The following RTN1 variants were observed in gnomAD, a reference collection of about 807,000 sequenced individuals.
RTN1 encodes the protein reticulon-1.
In RTN1, 25 loss-of-function variants were observed where a neutral mutation model predicts 65.5. The ratio of observed to expected loss-of-function variants is 0.38; its 90% confidence interval spans 0.28 to 0.53. The LOEUF is 0.53. Ranked by LOEUF, RTN1 falls within the 20% of genes least tolerant of loss-of-function variation. The probability of loss-of-function intolerance (pLI) is 0.79; values close to 1 mark genes in which losing one functional copy is unlikely to be tolerated. For synonymous variants in RTN1, 471 were observed against 447.6 expected, an observed-to-expected ratio of 1.05 and a Z score of -0.66; for missense variants, 983 against 1,025.4, an observed-to-expected ratio of 0.96 and a Z score of 0.57.
At chr14:59,750,234 ATATAT>A (rs1212087705) in intron 1 of RTN1, among the ~76,000 whole-genome samples, 1 of 67,832 alleles carries the variant, frequency 1.5e-5, no homozygotes, top group Non-Finnish European at 2.5e-5. Context: ...TCTATAATAT[ATATAT>A]TATATCTATA....
chr14:59,842,606 C>T (rs1481747524), intron 1 of RTN1, among the ~76,000 whole-genome samples: 1 of 152,084 alleles, frequency 6.6e-6, no homozygotes, highest in African/African-American at 2.4e-5. Context: ...ATGAAAACCA[C>T]TATCTATTAA....
chr14:59,761,274 C>T (rs1176315344), intron 1 of RTN1, among the ~76,000 whole-genome samples: 1 of 152,086 alleles, frequency 6.6e-6, no homozygotes, highest in Non-Finnish European at 1.5e-5. Context: ...TGTAACAATC[C>T]CCACGTGTCA....
intron 3 of RTN1, among the ~76,000 whole-genome samples, chr14:59,666,751 T>C (rs944259755): frequency 1.3e-4 from 20 of 151,696 alleles, no homozygotes; most frequent in Non-Finnish European, 1.5e-5. Flanking sequence ...TAAAAAATGA[T>C]AAAGGGGATA....
chr14:59,669,387 TAG>T (rs1883451815), intron 3 of RTN1, among the ~76,000 whole-genome samples: 1 of 151,622 alleles, frequency 6.6e-6, no homozygotes, highest in Non-Finnish European at 1.5e-5. Flanking sequence ...TTCTCACTCA[TAG>T]ATGGGAATTG....
At chr14:59,854,768 A>C (rs1594768587) in intron 1 of RTN1, among the ~76,000 whole-genome samples, 2 of 152,242 alleles carry the variant, frequency 1.3e-5, no homozygotes, top group East Asian at 1.9e-4. Flanking sequence ...TGGATGCTTC[A>C]CTTACTAGCT....
chr14:59,861,754 G>A (rs186850612), intron 1 of RTN1, among the ~76,000 whole-genome samples: 60 of 152,202 alleles, frequency 3.9e-4, no homozygotes, highest in African/African-American at 1.4e-3. Flanking sequence ...TTCTTCCTTT[G>A]CTTCATGAAA....
At chr14:59,730,825 G>T (rs1884881465) in intron 2 of RTN1, among the ~76,000 whole-genome samples, 1 of 152,132 alleles carries the variant, frequency 6.6e-6, no homozygotes, top group African/African-American at 2.4e-5. Context: ...ATACTAGGAT[G>T]GCTATAATCA....
intron 3 of RTN1, among the ~76,000 whole-genome samples, chr14:59,634,670 C>T (rs899450144): frequency 1.3e-5 from 2 of 152,080 alleles, no homozygotes; most frequent in African/African-American, 4.8e-5. Context: ...AACTCGAGTC[C>T]AGAGGGGGAA....
At chr14:59,743,397 A>G (rs1274945693) in intron 2 of RTN1, among the ~76,000 whole-genome samples, 1 of 152,282 alleles carries the variant, frequency 6.6e-6, no homozygotes, top group South Asian at 2.1e-4. Flanking sequence ...TGGACTGACT[A>G]CTGGACAACC....
chr14:59,732,825 T>C (rs1411730886), intron 2 of RTN1, among the ~76,000 whole-genome samples: 3 of 152,222 alleles, frequency 2.0e-5, no homozygotes, highest in Non-Finnish European at 2.9e-5. Context: ...AGTGTCGTTT[T>C]GTGGGCCCCA....
chr14:59,807,631 A>G (rs566451850), intron 1 of RTN1, among the ~76,000 whole-genome samples: 18 of 152,356 alleles, frequency 1.2e-4, no homozygotes, highest in African/African-American at 3.8e-4. Context: ...GGTTTCCCAC[A>G]AGGAGTAACC....
At chr14:59,620,488 T>C (rs1882225964) in intron 3 of RTN1, among the ~76,000 whole-genome samples, 1 of 152,206 alleles carries the variant, frequency 6.6e-6, no homozygotes, top group African/African-American at 2.4e-5. Flanking sequence ...AAGAAGGATG[T>C]AAAATATCTC....
intron 3 of RTN1, among the ~76,000 whole-genome samples, chr14:59,608,919 A>T (rs1881853658): frequency 6.6e-6 from 1 of 152,120 alleles, no homozygotes; most frequent in African/African-American, 2.4e-5. Context: ...AAAAAATAAA[A>T]AAAAAGTACT....
At chr14:59,728,272 T>TTTTTTTC (rs1884825252) in intron 2 of RTN1, among the ~76,000 whole-genome samples, 1 of 131,148 alleles carries the variant, frequency 7.6e-6, no homozygotes, top group African/African-American at 3.3e-5. Flanking sequence ...TTTTTTTTTT[T>TTTTTTTC]TTGCAACTAA....
chr14:59,602,444 A>G (rs1217072180), intron 8 of RTN1, among the ~76,000 whole-genome samples: 1 of 152,134 alleles, frequency 6.6e-6, no homozygotes, highest in African/African-American at 2.4e-5. Context: ...TTTAATGATC[A>G]TGTTAGCTAT....
At chr14:59,656,216 G>T (rs1475991276) in intron 3 of RTN1, among the ~76,000 whole-genome samples, 1 of 151,872 alleles carries the variant, frequency 6.6e-6, no homozygotes, top group Non-Finnish European at 1.5e-5. Context: ...CTGGGAGGTG[G>T]GGGGAATGAG....
chr14:59,731,984 A>G (rs957078762), intron 2 of RTN1, among the ~76,000 whole-genome samples: 14 of 152,336 alleles, frequency 9.2e-5, no homozygotes, highest in African/African-American at 3.1e-4. Context: ...TAAAAAGAAA[A>G]CAAAACAGAA....
rs1266734302 is a variant in RTN1 at position 59,794,929 on chromosome 14, G to A, written c.242-48448C>T. 6.6e-6 allele frequency among the ~76,000 whole-genome samples: 1 copy of A among 152,126 alleles called. No individual in the cohort carries two copies. The highest frequency in any genetic ancestry group is 1.5e-5 in the Non-Finnish European group (1 of 68,024). Reference sequence around the variant, plus strand: ...ACAGGAGAAGAAAAGAATAGATACTGGAGGAAACCTAGCAGCTTATGTACC... The same window carrying A: ...ACAGGAGAAGAAAAGAATAGATACTAGAGGAAACCTAGCAGCTTATGTACC... On this transcript the variant is annotated intron_variant, in intron 1 of 8. Transcript: ENST00000267484. The surrounding 1 kb of genome is among the most constrained non-coding windows in gnomAD (Gnocchi z 5.1).
intron 1 of RTN1, among the ~76,000 whole-genome samples, chr14:59,860,296 G>A (rs1275607279): frequency 1.3e-5 from 2 of 152,216 alleles, no homozygotes; most frequent in Non-Finnish European, 2.9e-5. Context: ...GGCTTCAGAG[G>A]GTGCAAACCC....
Sources: gnomAD v4.1 joint callset for allele counts (sites outside exome capture counted in the v4.1 genomes callset) on GRCh38, gnomAD v4.1.1 for gene constraint, Gnocchi (gnomAD v3.1) non-coding constraint, MANE v1.5 for transcripts, NCBI Gene and HGNC (gene_info 2026-07-23, HGNC 2026-07-21) for gene names.